Variants in CADM2 observed in about 807,000 individuals in gnomAD.
CADM2 encodes the protein immunoglobulin superfamily member 4D.
In CADM2, 12 loss-of-function variants were observed where a neutral mutation model predicts 49.8. The observed-to-expected ratio is 0.24, with a 90% CI of 0.15 to 0.39. The LOEUF (loss-of-function observed/expected upper bound fraction) is 0.39, where lower values mean the gene tolerates loss of function less well. Among genes scored for constraint, CADM2 ranks in the 10% least tolerant of loss-of-function variants. The pLI is 1.00. For synonymous variants in CADM2, 214 were observed against 175.4 expected (o/e 1.22, Z -1.74); for missense variants, 378 against 492.3 (o/e 0.77, Z 2.20).
chr3:85,512,895 G>T (rs575393926), intron 1 of CADM2, among the ~76,000 whole-genome samples: 1 of 151,984 alleles, frequency 6.6e-6, no homozygotes, highest in African/African-American at 2.4e-5. Context: ...AATATGGATT[G>T]TCTGTAAAAT....
At chr3:85,232,000 C>T (rs951691380) in intron 1 of CADM2, among the ~76,000 whole-genome samples, 4 of 151,820 alleles carry the variant, frequency 2.6e-5, no homozygotes, top group Admixed American at 1.3e-4. Flanking sequence ...CAGACGTGAG[C>T]CATTGGGCCT....
intron 1 of CADM2, among the ~76,000 whole-genome samples, chr3:85,563,826 T>G (rs1393278884): frequency 1.3e-5 from 2 of 152,144 alleles, no homozygotes; most frequent in Non-Finnish European, 2.9e-5. Context: ...TGTGTGTTGA[T>G]TGCAGTGGCA....
intron 1 of CADM2, among the ~76,000 whole-genome samples, chr3:85,331,939 T>C (rs1030985093): frequency 2.0e-5 from 3 of 152,108 alleles, no homozygotes; most frequent in Non-Finnish European, 2.9e-5. Flanking sequence ...CATTTGCACA[T>C]AAATAAATCC....
intron 1 of CADM2, among the ~76,000 whole-genome samples, chr3:85,412,225 T>C (rs1203296126): frequency 1.3e-5 from 2 of 152,220 alleles, no homozygotes. Flanking sequence ...TTTCTTGATA[T>C]GTATTGAATC....
chr3:85,876,604 G>A (rs1438209141), intron 3 of CADM2, among the ~76,000 whole-genome samples: 3 of 152,060 alleles, frequency 2.0e-5, no homozygotes, highest in Non-Finnish European at 4.4e-5. Flanking sequence ...CATGATTTAA[G>A]CATTCTAAAA....
chr3:86,016,751 T>G (rs1732289015), intron 8 of CADM2, among the ~76,000 whole-genome samples: 1 of 152,202 alleles, frequency 6.6e-6, no homozygotes, highest in Non-Finnish European at 1.5e-5. Flanking sequence ...AAATCATGTT[T>G]TATTCATATT....
intron 8 of CADM2, among the ~76,000 whole-genome samples, chr3:86,040,090 C>T (rs1161472003): frequency 6.6e-6 from 1 of 152,174 alleles, no homozygotes; most frequent in Admixed American, 6.5e-5. Context: ...TGTATGTCAC[C>T]ATCATCAAAG....
At chr3:85,003,579 A>G (rs937699189) in intron 1 of CADM2, among the ~76,000 whole-genome samples, 1 of 152,126 alleles carries the variant, frequency 6.6e-6, no homozygotes, top group African/African-American at 2.4e-5. Flanking sequence ...TATTATTACC[A>G]ATCTGTTACA....
chr3:85,045,753 C>T (rs1012772428), intron 1 of CADM2, among the ~76,000 whole-genome samples: 2 of 152,042 alleles, frequency 1.3e-5, no homozygotes, highest in African/African-American at 4.8e-5. Flanking sequence ...ATATTCAACA[C>T]TCCCCTGATG....
chr3:85,206,623 A>G (rs979679127), intron 1 of CADM2, among the ~76,000 whole-genome samples: 4 of 152,026 alleles, frequency 2.6e-5, no homozygotes, highest in African/African-American at 7.2e-5. Context: ...AGGTCATTCT[A>G]TGAGCTGATT....
chr3:85,428,844 T>C (rs2036542021), intron 1 of CADM2, among the ~76,000 whole-genome samples: 1 of 151,460 alleles, frequency 6.6e-6, no homozygotes, highest in African/African-American at 2.4e-5. Context: ...TTTGCCTCTT[T>C]AGGTTACTTA....
At chr3:85,765,590 C>A (rs1237070960) in intron 2 of CADM2, among the ~76,000 whole-genome samples, 6 of 151,990 alleles carry the variant, frequency 3.9e-5, no homozygotes, top group Non-Finnish European at 8.8e-5. Context: ...TATATGGGTT[C>A]TAATATCAGA....
In CADM2 at chr3:86,070,090, C is replaced by T. The variant is rs1353062900; in HGVS notation, c.*3307C>T. 6.6e-6 allele frequency: 1 copy of T among 151,928 alleles called. No homozygotes were observed. The highest frequency in any genetic ancestry group is 1.5e-5 in the Non-Finnish European group (1 of 67,852). 9.4% of individuals were successfully genotyped at this position (151,928 alleles called of 1,614,324 possible). The stretch of plus-strand genomic sequence containing the variant: ...AAGGAACCTGATATTGGAGTTTAAT[C>T]TAGAAACTGGATGATCTCATATTGA... On this transcript the variant is annotated 3_prime_UTR_variant, in exon 10 of 10. Transcript: ENST00000383699.
intron 1 of CADM2, among the ~76,000 whole-genome samples, chr3:85,041,994 A>G (rs539016968): frequency 6.6e-6 from 1 of 152,334 alleles, no homozygotes; most frequent in Non-Finnish European, 1.5e-5. Context: ...GGCTTGTTTC[A>G]CACATGCATA....
intron 1 of CADM2, among the ~76,000 whole-genome samples, chr3:85,330,979 C>T (rs1312681952): frequency 6.6e-6 from 1 of 151,842 alleles, no homozygotes; most frequent in Non-Finnish European, 1.5e-5. Flanking sequence ...ATAACAATCA[C>T]TTTTTTATTT....
chr3:85,867,041 C>T (rs527811155), intron 3 of CADM2, among the ~76,000 whole-genome samples: 1 of 152,182 alleles, frequency 6.6e-6, no homozygotes, highest in East Asian at 1.9e-4. Context: ...TAATATATAA[C>T]ATTTAGTATA....
intron 1 of CADM2, among the ~76,000 whole-genome samples, chr3:85,105,389 C>T (rs2038176177): frequency 1.3e-5 from 2 of 152,138 alleles, no homozygotes; most frequent in East Asian, 3.9e-4. Context: ...ATCAAAACCA[C>T]AATGAGATAC....
intron 8 of CADM2, among the ~76,000 whole-genome samples, chr3:86,008,721 C>T (rs1731095462): frequency 1.3e-5 from 2 of 151,860 alleles, no homozygotes; most frequent in Admixed American, 6.6e-5. Context: ...AGTTCAAAAA[C>T]TATTTGGTTA....
chr3:85,776,255 C>T (rs2070355466), intron 2 of CADM2, among the ~76,000 whole-genome samples: 1 of 150,986 alleles, frequency 6.6e-6, no homozygotes, highest in Admixed American at 6.6e-5. Context: ...AATGATAAAA[C>T]AGACTTAGTA....
Sources: gnomAD v4.1 joint callset for allele counts (sites outside exome capture counted in the v4.1 genomes callset) on GRCh38, gnomAD v4.1.1 for gene constraint, MANE v1.5 for transcripts, NCBI Gene and HGNC (gene_info 2026-07-23, HGNC 2026-07-21) for gene names.